GNE: variants seen among roughly 807,000 people sequenced by gnomAD.
GNE encodes the protein bifunctional UDP-N-acetylglucosamine 2-epimerase/N-acetylmannosamine kinase.
A neutral mutation model predicts 61.8 loss-of-function variants in GNE; 41 were observed. That is an observed-to-expected ratio of 0.66 (90% CI 0.52 to 0.86). The LOEUF is 0.86. Among genes scored for constraint, GNE ranks in the 40% least tolerant of loss-of-function variants. GNE has a pLI of 0.00. For missense variants in GNE, 608 were observed against 909.1 expected, an observed-to-expected ratio of 0.67 and a Z score of 4.26; for synonymous variants, 264 against 326.4, an observed-to-expected ratio of 0.81 and a Z score of 2.06.
chr9:36,266,047 C>T (rs1830771331), intron 1 of GNE, among the ~76,000 whole-genome samples: 1 of 152,172 alleles, frequency 6.6e-6, no homozygotes, highest in Non-Finnish European at 1.5e-5. Flanking sequence ...AAGTGATTCT[C>T]CTGCCTCAGC....
At chr9:36,266,215 G>A (rs1195584636) in intron 1 of GNE, among the ~76,000 whole-genome samples, 1 of 152,140 alleles carries the variant, frequency 6.6e-6, no homozygotes, top group African/African-American at 2.4e-5. Flanking sequence ...ACAGGCATAA[G>A]CCACCGCGCC....
In GNE at chr9:36,216,325, G is replaced by GTGTGTGTGTGTGTGT. The variant is rs1828276418; in HGVS notation, c.*1039_*1040insACACACACACACACA. ...TCTTAGTTTGGGGTTAGAGGAGGAA[G>GTGTGTGTGTGTGTGT]GATGTGTGTGTGTGTGTGTGTGTGT... On this transcript the variant is annotated 3_prime_UTR_variant, in exon 12 of 12. Transcript: ENST00000642385. 1 of 450,530 alleles carries GTGTGTGTGTGTGTGT rather than the reference G, an allele frequency of 2.2e-6. No homozygotes were observed. Among genetic ancestry groups the GTGTGTGTGTGTGTGT allele is most frequent in the Non-Finnish European group, 4.4e-6 (1 of 225,632 alleles). The allele number at this position is 450,530 out of a possible 1,614,324, so 27.9% of individuals were successfully genotyped here.
At chr9:36,228,986 T>G in intron 6 of GNE, 35 bp downstream of exon 6, 1 of 1,197,262 alleles carries the variant, frequency 8.4e-7, no homozygotes, top group Non-Finnish European at 1.3e-6. Flanking sequence ...TAGCTCCCCT[T>G]TTAAATCACT....
chr9:36,219,258 C>T (rs1828475003), intron 10 of GNE, among the ~76,000 whole-genome samples: 2 of 152,160 alleles, frequency 1.3e-5, no homozygotes, highest in Non-Finnish European at 2.9e-5. Context: ...GTCCCATACA[C>T]CCATCATCTC....
At chr9:36,253,825 G>A (rs1830217170) in intron 1 of GNE, among the ~76,000 whole-genome samples, 1 of 147,910 alleles carries the variant, frequency 6.8e-6, no homozygotes, top group East Asian at 2.1e-4. Flanking sequence ...ATCACCTGAG[G>A]TCACGAGTTG....
At chr9:36,265,127 C>A (rs77867715) in intron 1 of GNE, 3 of 285,702 alleles carry the variant, frequency 1.1e-5, no homozygotes, top group South Asian at 3.6e-5. Context: ...TGCTCCCGAT[C>A]GGGCTGAAGG....
chr9:36,222,105 G>A (rs1423898195), intron 9 of GNE, among the ~76,000 whole-genome samples: 1 of 152,026 alleles, frequency 6.6e-6, no homozygotes, highest in Non-Finnish European at 1.5e-5. Flanking sequence ...TGCTGAGGGG[G>A]TTACATGAAG....
In GNE at chr9:36,222,855, T is replaced by G; in HGVS notation, c.1555A>C (p.Asn519His). 1 of 1,614,184 alleles carries G rather than the reference T, an allele frequency of 6.2e-7. No homozygotes were observed. Among genetic ancestry groups the G allele is most frequent in the Non-Finnish European group, 8.5e-7 (1 of 1,180,022 alleles). The change falls in exon 9 of 12, where the codon AAC becomes CAC. Residue 519 changes from asparagine to histidine, a missense_variant. Transcript: ENST00000642385. ...HLPVWVDNDG[N>H]CAALAERKFG... ...TTCCTTTCCGCCAGGGCAGCACAGT[T>G]GCCATCATTGTCTACCCACACAGGG...
Position 36,227,393 on chromosome 9 carries a change from A to ACCACACATTC in GNE, c.1135_1136insGAATGTGTGG (p.Leu379ArgfsTer26). The ACCACACATTC allele has an allele frequency of 6.2e-7, 1 of 1,612,770 alleles. No homozygotes were observed. The highest frequency in any genetic ancestry group is 8.5e-7 in the Non-Finnish European group (1 of 1,178,730). On this transcript the variant is annotated frameshift_variant, in exon 7 of 12. Coordinates refer to ENST00000642385, the MANE Select transcript of GNE (RefSeq NM_005476.7). LOFTEE classifies it high-confidence loss of function. ...GAATTTCTTTTGCAGTGGCTCTTGA[A>ACCACACATTC]GATCGATAGATTTGAGAAACTTCAA... is the stretch of plus-strand genomic sequence containing the variant.
chr9:36,218,332 A>G lies in GNE; in HGVS notation c.1817-33T>C, dbSNP rs747601396. 1.3e-6 allele frequency: 2 copies of G among 1,516,234 alleles called. No individual in the cohort carries two copies. The highest frequency in any genetic ancestry group is 1.8e-6 in the Non-Finnish European group (2 of 1,090,826). The allele number at this position is 1,516,234 out of a possible 1,614,324, so 93.9% of individuals were successfully genotyped here. On this transcript the variant is annotated intron_variant, in intron 10 of 11. Transcript: ENST00000642385. This position sits in a 1 kb window ranked among gnomAD's most constrained non-coding sequence, Gnocchi z 4.1. ...GAGTGAGAAGGAAAAGCAGTCACTA[A>G]TGAGCTGTGGGGAGGCCAAGCTCAC...
In GNE at chr9:36,249,203, T is replaced by G; in HGVS notation, c.153A>C (p.Ile51=). The G allele has an allele frequency of 6.2e-7, 1 of 1,612,036 alleles. No individual in the cohort carries two copies. Residue 51 remains isoleucine (I), a synonymous_variant, in exon 2 of 12, where the codon ATA becomes ATC. Coordinates refer to ENST00000642385, the MANE Select transcript of GNE (RefSeq NM_005476.7). ...LDVVVLGSHL[I]DDYGNTYRMI... is the part of the protein sequence containing the mutation. ...TGCTTTCATCTTACCCATAGTCATC[T>G]ATCAGGTGAGAGCCAAGTACCACAA...
intron 1 of GNE, among the ~76,000 whole-genome samples, chr9:36,256,274 A>C (rs1281671381): frequency 1.9e-5 from 2 of 106,352 alleles, no homozygotes; most frequent in Non-Finnish European, 3.7e-5. Context: ...TTTGAGACAG[A>C]CAGCCTGTCG....
At chr9:36,249,093 G>A in intron 2 of GNE, 99 bp downstream of exon 2, 1 of 917,148 alleles carries the variant, frequency 1.1e-6, no homozygotes, top group Non-Finnish European at 1.8e-6. Context: ...AAACTAAGCA[G>A]CAGAACAGGA....
intron 7 of GNE, among the ~76,000 whole-genome samples, chr9:36,225,874 G>A (rs1828843091): frequency 6.6e-6 from 1 of 152,106 alleles, no homozygotes; most frequent in Non-Finnish European, 1.5e-5. Context: ...TTTTAACGAA[G>A]AGCGATGCCT....
At chr9:36,220,259 C>G (rs951351589) in intron 9 of GNE, among the ~76,000 whole-genome samples, 1 of 152,196 alleles carries the variant, frequency 6.6e-6, no homozygotes, top group Non-Finnish European at 1.5e-5. Flanking sequence ...ATTTCAAACA[C>G]AGCTGTGGGG....
intron 3 of GNE, among the ~76,000 whole-genome samples, chr9:36,240,027 T>A (rs768832060): frequency 1.3e-5 from 2 of 152,188 alleles, no homozygotes; most frequent in Non-Finnish European, 2.9e-5. Flanking sequence ...ATCCAGAAAC[T>A]TTGCTGAATT....
intron 3 of GNE, among the ~76,000 whole-genome samples, chr9:36,238,073 C>T (rs1587321445): frequency 8.2e-6 from 1 of 121,940 alleles, no homozygotes; most frequent in South Asian, 3.2e-4. Flanking sequence ...TATATAGATA[C>T]ACACACACAC....
intron 1 of GNE, among the ~76,000 whole-genome samples, chr9:36,274,068 CTGTGTG>C (rs71336439): frequency 0.031 from 4,383 of 142,224 alleles, 91 homozygotes; most frequent in East Asian, 0.081. Context: ...GTCTATGGTA[CTGTGTG>C]TGTGTGTGTG....
intron 1 of GNE, among the ~76,000 whole-genome samples, chr9:36,250,569 A>T (rs559397424): frequency 6.6e-6 from 1 of 152,250 alleles, no homozygotes; most frequent in African/African-American, 2.4e-5. Flanking sequence ...AATATCTTTC[A>T]AATCTATCTC....
Sources: gnomAD v4.1 joint callset for allele counts (sites outside exome capture counted in the v4.1 genomes callset) on GRCh38, gnomAD v4.1.1 for gene constraint, Gnocchi (gnomAD v3.1) non-coding constraint, MANE v1.5 for transcripts, NCBI Gene and HGNC (gene_info 2026-07-23, HGNC 2026-07-21) for gene names.